ZCCHC2: variants seen among roughly 807,000 people sequenced by gnomAD.
The protein encoded by ZCCHC2 is zinc finger CCHC domain-containing protein 2.
In ZCCHC2, 39 loss-of-function variants were observed where a neutral mutation model predicts 103.6. That is an observed-to-expected ratio of 0.38 (90% CI 0.29 to 0.49). The LOEUF is 0.49. Ranked by LOEUF, ZCCHC2 falls within the 20% of genes least tolerant of loss-of-function variation. The pLI, the probability that ZCCHC2 is intolerant of heterozygous loss-of-function variation, is 0.96. For missense variants in ZCCHC2, 1,483 were observed against 1,491.0 expected (o/e 0.99, Z 0.09); for synonymous variants, 687 against 608.9 (o/e 1.13, Z -1.89).
chr18:62,586,727 G>C (rs1181505170), exon 15 of ZCCHC2: 1 of 152,098 alleles, frequency 6.6e-6, no homozygotes, highest in African/African-American at 2.4e-5. Context: ...TTAGCACACG[G>C]TCGTCTTGCT....
rs374086975 is a variant in ZCCHC2 at position 62,574,178 on chromosome 18, G to A, written c.2097G>A (p.Glu699=). Reference sequence around the variant, plus strand: ...TTCAAATTGCTTCACTAGGAAATGAGAATGGAAACCTTTTAGAAGATCCCT... The same window carrying A: ...TTCAAATTGCTTCACTAGGAAATGAAAATGGAAACCTTTTAGAAGATCCCT... ...PPVQIASLGN[E]NGNLLEDPLN... is the part of the protein sequence containing the mutation. The change falls in exon 13 of 14, where the codon GAG becomes GAA. Residue 699 remains glutamate (E), a synonymous_variant. Coordinates refer to ENST00000269499, the MANE Select transcript of ZCCHC2 (RefSeq NM_017742.6). The A allele has an allele frequency of 6.2e-7, 1 of 1,614,028 alleles. No homozygotes were observed. Among genetic ancestry groups the A allele is most frequent in the Non-Finnish European group, 8.5e-7 (1 of 1,179,894 alleles).
chr18:62,540,608 A>C (rs1367659307), intron 2 of ZCCHC2, among the ~76,000 whole-genome samples: 2 of 152,182 alleles, frequency 1.3e-5, no homozygotes, highest in Non-Finnish European at 2.9e-5. Flanking sequence ...TAATCAGACT[A>C]CTTCAGCTAA....
chr18:62,557,714 G>C (rs1359853584), intron 6 of ZCCHC2, among the ~76,000 whole-genome samples: 2 of 152,174 alleles, frequency 1.3e-5, no homozygotes, highest in Non-Finnish European at 2.9e-5. Flanking sequence ...GTTTCAAAAA[G>C]GCATTGAATT....
At chr18:62,539,634 T>C in intron 1 of ZCCHC2, 47 bp from the exon 2 acceptor site, 3 of 1,485,294 alleles carry the variant, frequency 2.0e-6, no homozygotes, top group Non-Finnish European at 2.8e-6. Flanking sequence ...TGATTATTAC[T>C]CTTAGTCCAT....
At chr18:62,541,470 T>C (rs9965499) in intron 2 of ZCCHC2, among the ~76,000 whole-genome samples, 3,309 of 152,314 alleles carry the variant, frequency 0.022, 81 homozygotes, top group Middle Eastern at 0.078. Flanking sequence ...TATTCCACTT[T>C]GTCTATTTTA....
In ZCCHC2 at chr18:62,544,836, C is replaced by T; in HGVS notation, c.1163C>T (p.Thr388Ile). 4.5e-6 allele frequency: 7 copies of T among 1,542,562 alleles called. No individual in the cohort carries two copies. The South Asian group carries it at 6.2e-5, about 14-fold the overall frequency. Reference sequence around the variant, plus strand: ...TCTGATCTTTCAGTCACAACAGTAACAAAAACCCACCAAGAACTACAGGAA... The same window carrying T: ...TCTGATCTTTCAGTCACAACAGTAATAAAAACCCACCAAGAACTACAGGAA... ...NWSDLSVTTV[T>I]KTHQELQEFL... The change falls in exon 4 of 14, where the codon ACA becomes ATA. Residue 388 changes from threonine to isoleucine, a missense_variant. This residue lies in a region of ZCCHC2 where 31 missense variants were observed against 58.4 expected (regional missense o/e 0.53). Transcript: ENST00000269499.
At position 62,576,736 on chromosome 18, in the gene ZCCHC2, A is replaced by G; in HGVS notation, c.*157A>G. ...TTCTCTTGTACCAATGTCCAAAACA[A>G]GAAAGAATGCAATGCTTTTGAGCCT... On this transcript the variant is annotated 3_prime_UTR_variant, in exon 14 of 14. Coordinates refer to ENST00000269499, the MANE Select transcript of ZCCHC2 (RefSeq NM_017742.6). 1.5e-6 allele frequency: 1 copy of G among 658,146 alleles called. No homozygotes were observed. Among genetic ancestry groups the G allele is most frequent in the Non-Finnish European group, 2.6e-6 (1 of 390,314 alleles). The allele number at this position is 658,146 out of a possible 1,614,324, so 40.8% of individuals were successfully genotyped here. A position where few individuals can be genotyped will look rare whatever the true frequency, so the allele number is the denominator to read the frequency against.
chr18:62,564,144 C>T (rs1916241943), intron 9 of ZCCHC2, among the ~76,000 whole-genome samples: 1 of 152,166 alleles, frequency 6.6e-6, no homozygotes, highest in Non-Finnish European at 1.5e-5. Flanking sequence ...TAATTAGTGA[C>T]CTATTTTCAA....
downstream of ZCCHC2, among the ~76,000 whole-genome samples, chr18:62,583,063 C>T (rs902216477): frequency 6.6e-6 from 1 of 152,122 alleles, no homozygotes; most frequent in Admixed American, 6.5e-5. Context: ...CAGATCATGC[C>T]ACTGCACTCC....
At chr18:62,532,016 A>G (rs1410795906) in intron 1 of ZCCHC2, among the ~76,000 whole-genome samples, 1 of 152,104 alleles carries the variant, frequency 6.6e-6, no homozygotes, top group Non-Finnish European at 1.5e-5. Context: ...AAAGAAAGAC[A>G]TTTGAAGAGA....
intron 5 of ZCCHC2, among the ~76,000 whole-genome samples, chr18:62,553,071 C>G (rs1404359936): frequency 2.0e-5 from 3 of 151,806 alleles, no homozygotes; most frequent in Non-Finnish European, 4.4e-5. Context: ...TGAGAAAATT[C>G]CCCGGTTTCC....
chr18:62,543,767 A>G lies in ZCCHC2; in HGVS notation c.1129-1035A>G, dbSNP rs191042022. On this transcript the variant is annotated intron_variant, in intron 3 of 13. Transcript: ENST00000269499. ...TTCAAAGCACTGATCACTGATGGAA[A>G]TTCTTATATATTCACTTGGCTTTGA... Among the ~76,000 whole-genome samples the G allele has an allele frequency of 4.6e-3, 698 of 152,232 alleles. 15 individuals carry two copies. The highest frequency in any genetic ancestry group is 0.034 in the Admixed American group (515 of 15,280).
Position 62,524,040 on chromosome 18 carries a change from C to A in ZCCHC2, c.616C>A (p.Arg206Ser). The change falls in exon 1 of 14, where the codon CGC (arginine) becomes AGC (serine). Residue 206 changes from arginine to serine, a missense_variant. Around this residue, in one of 3 missense-constraint regions of ZCCHC2, gnomAD observed 568 missense variants for 525.1 expected, o/e 1.08. Coordinates refer to ENST00000269499, the MANE Select transcript of ZCCHC2 (RefSeq NM_017742.6). ...GGTGGACTCGGTGCTCAAAAGCCTGCGCGCGGCCCGGGGCGAGGGCTCGCG... is the reference window on the plus strand; with the variant it reads ...GGTGGACTCGGTGCTCAAAAGCCTGAGCGCGGCCCGGGGCGAGGGCTCGCG... Reference protein sequence around the residue: ...PQVDSVLKSLRAARGEGSRGG... With the variant: ...PQVDSVLKSLSAARGEGSRGG... 6.8e-7 allele frequency: 1 copy of A among 1,465,424 alleles called. No homozygotes were observed. The allele number at this position is 1,465,424 out of a possible 1,614,324, so 90.8% of individuals were successfully genotyped here. A position where few individuals can be genotyped will look rare whatever the true frequency, so the allele number is the denominator to read the frequency against.
Position 62,554,915 on chromosome 18 carries a change from C to T in ZCCHC2, c.1314-1288C>T, listed in dbSNP as rs576015654. Among the ~76,000 whole-genome samples the T allele has an allele frequency of 2.6e-5, 4 of 152,178 alleles. No individual in the cohort carries two copies. In the South Asian group the frequency reaches 6.2e-4, roughly 24 times the overall value. On this transcript the variant is annotated intron_variant, in intron 5 of 13. Coordinates refer to ENST00000269499, the MANE Select transcript of ZCCHC2 (RefSeq NM_017742.6). ...TGCATGATATACAAGGCAACTTTGG[C>T]CCATAAAGGTCATCTGTTGGTATAT...
intron 1 of ZCCHC2, 75 bp from the exon 2 acceptor site, chr18:62,539,606 T>G: frequency 7.5e-7 from 1 of 1,329,534 alleles, no homozygotes; most frequent in Non-Finnish European, 1.0e-6. Flanking sequence ...GTTAGTAAAA[T>G]GAGAAGACCT....
At chr18:62,534,965 T>C (rs1017748919) in intron 1 of ZCCHC2, among the ~76,000 whole-genome samples, 4 of 152,256 alleles carry the variant, frequency 2.6e-5, no homozygotes, top group Non-Finnish European at 5.9e-5. Context: ...TATAAGCTTA[T>C]GTTTCTACAA....
intron 7 of ZCCHC2, among the ~76,000 whole-genome samples, chr18:62,559,251 G>T (rs1050845138): frequency 7.2e-5 from 11 of 152,182 alleles, no homozygotes; most frequent in Non-Finnish European, 8.8e-5. Flanking sequence ...GATGGTGTTT[G>T]CAAGATATTT....
In ZCCHC2 at chr18:62,523,670, G is replaced by GGGC. The variant is rs765173906; in HGVS notation, c.255_257dup (p.Gly87dup). The GGGC allele has an allele frequency of 1.3e-5, 18 of 1,360,150 alleles. No homozygotes were observed. The highest frequency in any genetic ancestry group is 1.6e-5 in the Non-Finnish European group (17 of 1,060,352). 84.3% of individuals were successfully genotyped at this position (1,360,150 alleles called of 1,614,324 possible). A position where few individuals can be genotyped will look rare whatever the true frequency, so the allele number is the denominator to read the frequency against. ...GAGCGGCGGCGGGGGCGGGTATGCC[G>GGGC]GGCGGCGGCGGGGGGCCCTCGGCGG... is the stretch of plus-strand genomic sequence containing the variant. On this transcript the variant is annotated inframe_insertion, in exon 1 of 14. Coordinates refer to ENST00000269499, the MANE Select transcript of ZCCHC2 (RefSeq NM_017742.6).
chr18:62,565,344 G>T (rs945634391), intron 11 of ZCCHC2, among the ~76,000 whole-genome samples: 1 of 152,000 alleles, frequency 6.6e-6, no homozygotes, highest in African/African-American at 2.4e-5. Flanking sequence ...CTCCCTTCTG[G>T]CAGCAGGAGT....
Sources: allele counts gnomAD v4.1 joint callset (sites outside exome capture counted in the v4.1 genomes callset), GRCh38; gene constraint gnomAD v4.1.1; regional missense constraint gnomAD v4.1.1; transcripts MANE v1.5; gene names NCBI Gene and HGNC (gene_info 2026-07-23, HGNC 2026-07-21).